The following MYO5B variants were observed in gnomAD, a reference collection of about 807,000 sequenced individuals.
MYO5B encodes the protein unconventional myosin-Vb.
In MYO5B, 143 loss-of-function variants were observed where a neutral mutation model predicts 229.3. That is an observed-to-expected ratio of 0.62 (90% CI 0.54 to 0.72). The LOEUF is 0.72. MYO5B is among the 30% of genes least tolerant of loss of function. MYO5B has a pLI of 0.00. For synonymous variants in MYO5B, 918 were observed against 885.2 expected, an observed-to-expected ratio of 1.04 and a Z score of -0.66; for missense variants, 2,321 against 2,331.0, an observed-to-expected ratio of 1.00 and a Z score of 0.09.
At chr18:50,014,337 T>G (rs1156788602) in intron 4 of MYO5B, among the ~76,000 whole-genome samples, 3 of 151,820 alleles carry the variant, frequency 2.0e-5, no homozygotes, top group Non-Finnish European at 2.9e-5. Context: ...TATACAGTGT[T>G]ATTTATTAAT....
intron 22 of MYO5B, among the ~76,000 whole-genome samples, chr18:49,890,247 T>C (rs766241466): frequency 6.6e-6 from 1 of 152,208 alleles, no homozygotes; most frequent in Non-Finnish European, 1.5e-5. Flanking sequence ...CTTTGTGGTG[T>C]CAGGGCTGCA....
chr18:49,891,318 G>A (rs2024711868), intron 22 of MYO5B, among the ~76,000 whole-genome samples: 1 of 152,082 alleles, frequency 6.6e-6, no homozygotes, highest in African/African-American at 2.4e-5. Context: ...TACCCCTCAG[G>A]CCCCCACAGG....
At chr18:50,158,042 G>A (rs1439161586) in intron 1 of MYO5B, among the ~76,000 whole-genome samples, 1 of 152,212 alleles carries the variant, frequency 6.6e-6, no homozygotes, top group Non-Finnish European at 1.5e-5. Flanking sequence ...TGGAAGCAGA[G>A]GATGGCAGGA....
chr18:49,951,981 A>G (rs1396133617), intron 14 of MYO5B, among the ~76,000 whole-genome samples: 2 of 152,220 alleles, frequency 1.3e-5, no homozygotes, highest in Admixed American at 6.5e-5. Context: ...ATTGAACTCC[A>G]AAGTGATATT....
At chr18:49,853,710 C>T in intron 30 of MYO5B, 63 bp from the exon 31 acceptor site, 2 of 1,482,078 alleles carry the variant, frequency 1.3e-6, no homozygotes, top group South Asian at 2.4e-5. Context: ...TGAGGGGACA[C>T]AGGCAGAAAC....
At chr18:50,138,370 G>C (rs989543309) in intron 1 of MYO5B, among the ~76,000 whole-genome samples, 44 of 152,270 alleles carry the variant, frequency 2.9e-4, no homozygotes, top group African/African-American at 1.0e-3. Flanking sequence ...GAATTATTTT[G>C]GGAAGAAGTT....
chr18:50,136,601 G>T (rs1469290219), intron 1 of MYO5B, among the ~76,000 whole-genome samples: 4 of 152,132 alleles, frequency 2.6e-5, no homozygotes, highest in Non-Finnish European at 5.9e-5. Flanking sequence ...GTGTATATGT[G>T]TGTGTACAAA....
chr18:49,977,864 T>C (rs2025769075), intron 9 of MYO5B, among the ~76,000 whole-genome samples: 1 of 152,234 alleles, frequency 6.6e-6, no homozygotes, highest in Non-Finnish European at 1.5e-5. Context: ...TTCTGGGATC[T>C]TCACTCCAGC....
intron 2 of MYO5B, among the ~76,000 whole-genome samples, chr18:50,042,498 T>C (rs1568082729): frequency 6.6e-6 from 1 of 152,228 alleles, no homozygotes; most frequent in Non-Finnish European, 1.5e-5. Context: ...TTATTTATAT[T>C]AAACTTTGTC....
chr18:50,168,134 C>A (rs2032879100), intron 1 of MYO5B, among the ~76,000 whole-genome samples: 1 of 152,080 alleles, frequency 6.6e-6, no homozygotes, highest in African/African-American at 2.4e-5. Context: ...AAAATATAAC[C>A]CCTAAGGCAC....
chr18:50,184,895 GAA>G (rs200718344), intron 1 of MYO5B, among the ~76,000 whole-genome samples: 2 of 25,644 alleles, frequency 7.8e-5, no homozygotes, highest in African/African-American at 1.5e-4. Flanking sequence ...CACACACACA[GAA>G]AAAAATATAT....
intron 22 of MYO5B, among the ~76,000 whole-genome samples, chr18:49,881,631 T>A (rs890815356): frequency 1.8e-4 from 28 of 151,930 alleles, no homozygotes; most frequent in African/African-American, 6.8e-4. Flanking sequence ...TGAAATCCCA[T>A]CTCTACTAAA....
chr18:50,075,442 A>C (rs992109781), intron 1 of MYO5B, among the ~76,000 whole-genome samples: 2 of 152,208 alleles, frequency 1.3e-5, no homozygotes, highest in Non-Finnish European at 2.9e-5. Flanking sequence ...CAAAGAAGGC[A>C]GCAGGTATTT....
At chr18:50,115,525 C>CAT (rs2031943229) in intron 1 of MYO5B, among the ~76,000 whole-genome samples, 1 of 62,010 alleles carries the variant, frequency 1.6e-5, no homozygotes, top group East Asian at 4.1e-4. Flanking sequence ...ATAAATAAAA[C>CAT]ACACACACAC....
intron 31 of MYO5B, chr18:49,849,988 A>T: frequency 2.5e-6 from 1 of 393,488 alleles, no homozygotes; most frequent in Admixed American, 3.7e-5. Context: ...AGACACACTC[A>T]GCCTAGGAGT....
chr18:49,885,818 G>A (rs2024636047), intron 22 of MYO5B, among the ~76,000 whole-genome samples: 1 of 152,184 alleles, frequency 6.6e-6, no homozygotes, highest in Admixed American at 6.5e-5. Context: ...CAGCTACTCT[G>A]GGGAGCTGCT....
intron 27 of MYO5B, among the ~76,000 whole-genome samples, chr18:49,869,560 C>T (rs11659245): frequency 0.24 from 36,454 of 151,992 alleles, 4,491 homozygotes; most frequent in East Asian, 0.41. Context: ...ATGTTTATTG[C>T]GCCCTCTCTG....
chr18:50,114,101 A>T (rs1217322313), intron 1 of MYO5B, among the ~76,000 whole-genome samples: 1 of 152,130 alleles, frequency 6.6e-6, no homozygotes, highest in Non-Finnish European at 1.5e-5. Context: ...CTTTGGCTTA[A>T]TGTCGGCCCT....
intron 18 of MYO5B, among the ~76,000 whole-genome samples, chr18:49,910,957 G>A (rs1036508836): frequency 1.3e-5 from 2 of 152,184 alleles, no homozygotes; most frequent in African/African-American, 4.8e-5. Flanking sequence ...TTAAGGATTT[G>A]CCCCTCACAA....
Sources: gnomAD v4.1 joint callset for allele counts (sites outside exome capture counted in the v4.1 genomes callset) on GRCh38, gnomAD v4.1.1 for gene constraint, MANE v1.5 for transcripts, NCBI Gene and HGNC (gene_info 2026-07-23, HGNC 2026-07-21) for gene names.